The following PTGR1 variants were observed in gnomAD, a reference collection of about 807,000 sequenced individuals.
The protein encoded by PTGR1 is 15-oxoprostaglandin 13-reductase.
A neutral mutation model predicts 37.7 loss-of-function variants in PTGR1; 23 were observed. The observed-to-expected ratio is 0.61, with a 90% CI of 0.44 to 0.86. The LOEUF (loss-of-function observed/expected upper bound fraction) is 0.86. Ranked by LOEUF, PTGR1 falls within the 40% of genes least tolerant of loss-of-function variation. PTGR1 has a pLI of 0.00. For missense variants in PTGR1, 351 were observed against 394.3 expected (o/e 0.89, Z 0.93); for synonymous variants, 134 against 140.0 (o/e 0.96, Z 0.30).
rs547942770 is a variant in PTGR1, at chr9:111,567,338, C to A, written c.879+2753G>T. Among the ~76,000 whole-genome samples, 9 of 152,268 alleles carry A rather than the reference C, an allele frequency of 5.9e-5. 1 individual carries two copies. In the East Asian group the frequency reaches 1.7e-3, roughly 29 times the overall value. On this transcript the variant is annotated intron_variant, in intron 9 of 9. Coordinates refer to ENST00000407693, the MANE Select transcript of PTGR1 (RefSeq NM_001146108.2). Reference sequence around the variant, plus strand: ...AAGTAGCTGGGACTATAGGTGCACGCCACCATGCCCAGCTAATTTTTGTAT... The same window carrying A: ...AAGTAGCTGGGACTATAGGTGCACGACACCATGCCCAGCTAATTTTTGTAT...
intron 8 of PTGR1, among the ~76,000 whole-genome samples, chr9:111,573,492 A>G (rs926353410): frequency 5.9e-5 from 9 of 152,180 alleles, no homozygotes; most frequent in Non-Finnish European, 1.3e-4. Context: ...TCATCATAGA[A>G]TAAATAACCA....
chr9:111,585,903 C>A, intron 5 of PTGR1, 95 bp downstream of exon 5: 1 of 1,435,192 alleles, frequency 7.0e-7, no homozygotes, highest in East Asian at 2.4e-5. Flanking sequence ...TATCATGCAT[C>A]AAATATCTTC....
intron 7 of PTGR1, chr9:111,576,694 T>A: frequency 3.2e-6 from 1 of 316,016 alleles, no homozygotes. Context: ...ATATTTCCCC[T>A]AGAAGCAATG....
chr9:111,574,523 A>AT, intron 8 of PTGR1: 1 of 314,504 alleles, frequency 3.2e-6, no homozygotes. Flanking sequence ...TTATTTTTGT[A>AT]TTTTTTGTAG....
chr9:111,567,561 G>A (rs534989290), intron 9 of PTGR1, among the ~76,000 whole-genome samples: 112 of 150,142 alleles, frequency 7.5e-4, no homozygotes, highest in African/African-American at 2.7e-3. Flanking sequence ...GAGGAGACTG[G>A]GCCAAGTAAA....
At chr9:111,592,652 G>T in intron 4 of PTGR1, 1 of 314,782 alleles carries the variant, frequency 3.2e-6, no homozygotes. Flanking sequence ...GCCAGATCCC[G>T]CAATAAATCA....
At chr9:111,559,726 TGG>T (rs1828221486), downstream of PTGR1, among the ~76,000 whole-genome samples, 1 of 152,182 alleles carries the variant, frequency 6.6e-6, no homozygotes, top group African/African-American at 2.4e-5. Flanking sequence ...TGCTCTGCTG[TGG>T]GCCATAGAGG....
chr9:111,593,535 A>T (rs1024535261), intron 3 of PTGR1, among the ~76,000 whole-genome samples: 3 of 152,218 alleles, frequency 2.0e-5, no homozygotes, highest in Non-Finnish European at 4.4e-5. Flanking sequence ...TGAGTATATA[A>T]GTTTGAGTCA....
chr9:111,592,003 C>T (rs1272661739), intron 4 of PTGR1, among the ~76,000 whole-genome samples: 2 of 152,170 alleles, frequency 1.3e-5, no homozygotes, highest in Non-Finnish European at 2.9e-5. Flanking sequence ...GCCAGAAATG[C>T]AGATTTTCAT....
downstream of PTGR1, among the ~76,000 whole-genome samples, chr9:111,558,390 G>A (rs1043901928): frequency 6.6e-6 from 1 of 151,930 alleles, no homozygotes; most frequent in Non-Finnish European, 1.5e-5. Context: ...GGTATAAGAT[G>A]CTCCAGGCTG....
intron 8 of PTGR1, 49 bp from the exon 9 acceptor site, chr9:111,570,258 A>G (rs1326741950): frequency 5.1e-6 from 8 of 1,580,950 alleles, no homozygotes; most frequent in Non-Finnish European, 6.9e-6. Context: ...GGAGGTGCCC[A>G]TGGTGAAACA....
intron 7 of PTGR1, chr9:111,577,924 A>G (rs1290528364): frequency 6.6e-6 from 1 of 152,182 alleles, no homozygotes; most frequent in Non-Finnish European, 1.5e-5. Context: ...TAAGTGAAAG[A>G]TGCCAGTCAT....
Position 111,562,799 on chromosome 9 carries a change from C to T in PTGR1, c.*322G>A. 1 of 357,118 alleles carries T rather than the reference C, an allele frequency of 2.8e-6. No individual in the cohort carries two copies. The highest frequency in any genetic ancestry group is 4.4e-6 in the Non-Finnish European group (1 of 227,388). The allele number at this position is 357,118 out of a possible 1,614,324, so 22.1% of individuals were successfully genotyped here. ...GCGTGTGTTGTTCCCCTCCCTATGT[C>T]CATGTGTTCTCATTGTTCAGCTCCC... On this transcript the variant is annotated 3_prime_UTR_variant, in exon 10 of 10. Transcript: ENST00000407693.
intron 3 of PTGR1, 122 bp downstream of exon 3, chr9:111,594,100 G>T: frequency 9.5e-7 from 1 of 1,054,308 alleles, no homozygotes; most frequent in Non-Finnish European, 1.4e-6. Context: ...CACTGATACT[G>T]GCTGGGAGAA....
intron 6 of PTGR1, among the ~76,000 whole-genome samples, chr9:111,582,029 G>A (rs563926615): frequency 2.6e-4 from 39 of 152,066 alleles, no homozygotes; most frequent in African/African-American, 8.7e-4. Flanking sequence ...TGGTAAAAAG[G>A]TAAACACTAG....
downstream of PTGR1, among the ~76,000 whole-genome samples, chr9:111,559,384 T>G (rs1403530545): frequency 6.6e-6 from 1 of 152,006 alleles, no homozygotes; most frequent in Non-Finnish European, 1.5e-5. Flanking sequence ...CTTCTCACCC[T>G]ACTTGGACTC....
chr9:111,594,841 C>T (rs974684744), intron 2 of PTGR1, among the ~76,000 whole-genome samples: 8 of 142,996 alleles, frequency 5.6e-5, no homozygotes, highest in East Asian at 4.3e-4. Context: ...TGAGCCACTG[C>T]GACCGGCCTC....
At chr9:111,561,152 A>G (rs866257908), downstream of PTGR1, among the ~76,000 whole-genome samples, 24 of 73,678 alleles carry the variant, frequency 3.3e-4, 3 homozygotes, top group African/African-American at 1.2e-3. Flanking sequence ...AGAGAGGGAG[A>G]GAGAGAGAGA....
At chr9:111,556,939 C>A (rs976400492) in intron 9 of PTGR1, among the ~76,000 whole-genome samples, 2 of 152,222 alleles carry the variant, frequency 1.3e-5, no homozygotes, top group African/African-American at 4.8e-5. Context: ...GGCCACAATG[C>A]ATGGTTCCAT....
Sources: gnomAD v4.1 joint callset for allele counts (sites outside exome capture counted in the v4.1 genomes callset) on GRCh38, gnomAD v4.1.1 for gene constraint, MANE v1.5 for transcripts, NCBI Gene and HGNC (gene_info 2026-07-23, HGNC 2026-07-21) for gene names.